The following ANKFY1 variants were observed in gnomAD, a reference collection of about 807,000 sequenced individuals.
The protein encoded by ANKFY1 is ankyrin repeat and FYVE domain containing 1, also known as ankyrin repeat and FYVE domain-containing protein 1.
In ANKFY1, 47 loss-of-function variants were observed where a neutral mutation model predicts 128.3. That is an observed-to-expected ratio of 0.37 (90% CI 0.29 to 0.47). ANKFY1 has a LOEUF of 0.47. ANKFY1 is among the 20% of genes least tolerant of loss of function. ANKFY1 has a pLI of 1.00. For synonymous variants in ANKFY1, 553 were observed against 601.6 expected (o/e 0.92, Z 1.18); for missense variants, 1,222 against 1,510.6 (o/e 0.81, Z 3.17).
intron 12 of ANKFY1, among the ~76,000 whole-genome samples, chr17:4,184,518 G>A (rs1365349674): frequency 6.6e-6 from 1 of 152,150 alleles, no homozygotes; most frequent in Non-Finnish European, 1.5e-5. Flanking sequence ...TGCTCACACC[G>A]AGGCACAGCT....
intron 4 of ANKFY1, among the ~76,000 whole-genome samples, chr17:4,213,582 T>C (rs79178729): frequency 1.3e-4 from 19 of 150,110 alleles, no homozygotes; most frequent in South Asian, 2.1e-4. Context: ...TTTTTTTTTT[T>C]CCAAGATGAA....
At chr17:4,202,790 G>A (rs1278357252) in intron 7 of ANKFY1, among the ~76,000 whole-genome samples, 1 of 146,816 alleles carries the variant, frequency 6.8e-6, no homozygotes, top group Non-Finnish European at 1.5e-5. Flanking sequence ...CAAACATACA[G>A]AAGATAAACT....
rs73322867 is a variant in ANKFY1 at position 4,181,070 on chromosome 17, G to A, written c.2240+184C>T. 4.9e-3 allele frequency: 2,749 copies of A among 566,120 alleles called. 61 individuals carry two copies. Among genetic ancestry groups the A allele is most frequent in the African/African-American group, 0.045 (2,396 of 53,518 alleles). 35.1% of individuals were successfully genotyped at this position (566,120 alleles called of 1,614,324 possible). On this transcript the variant is annotated intron_variant, in intron 16 of 24. Coordinates refer to ENST00000341657, the MANE Select transcript of ANKFY1 (RefSeq NM_001330063.2). The surrounding 1 kb of genome is among the most constrained non-coding windows in gnomAD (Gnocchi z 4.9). ...TGATTCAGGGCTGTGAGCTCCTCCC[G>A]TCACAAGTGAGCCTGGCTCCTGGCT...
rs1387721447 is a variant in ANKFY1 at position 4,197,370 on chromosome 17, T to C, written c.1103+3A>G. The C allele has an allele frequency of 6.2e-7, 1 of 1,614,022 alleles. No individual in the cohort carries two copies. Among genetic ancestry groups the C allele is most frequent in the Admixed American group, 1.7e-5 (1 of 60,026 alleles). The stretch of plus-strand genomic sequence containing the variant: ...AGGGCACAGTGTCTGCTCCCCAGCT[T>C]ACCTCCCCTTGCTGTCCTGCATGTT... On this transcript the variant is annotated splice_donor_region_variant and intron_variant, in intron 8 of 24. Transcript: ENST00000341657.
intron 1 of ANKFY1, among the ~76,000 whole-genome samples, chr17:4,249,656 CA>C (rs1377142736): frequency 3.3e-5 from 5 of 152,120 alleles, no homozygotes; most frequent in Non-Finnish European, 7.4e-5. Context: ...CACTTCTTAC[CA>C]AACTCTAATC....
At chr17:4,176,669 T>C (rs995951089) in intron 19 of ANKFY1, among the ~76,000 whole-genome samples, 1 of 152,180 alleles carries the variant, frequency 6.6e-6, no homozygotes, top group Non-Finnish European at 1.5e-5. Context: ...TGGAGTCCAA[T>C]GGAAAAGGCT....
intron 10 of ANKFY1, among the ~76,000 whole-genome samples, chr17:4,189,902 T>C (rs2059686904): frequency 1.3e-5 from 2 of 152,206 alleles, no homozygotes; most frequent in South Asian, 4.1e-4. Context: ...GTACTCTCTG[T>C]GTGTGGACAC....
chr17:4,172,169 A>G (rs1340336162), intron 22 of ANKFY1, among the ~76,000 whole-genome samples: 1 of 152,210 alleles, frequency 6.6e-6, no homozygotes, highest in Non-Finnish European at 1.5e-5. Context: ...TTCTCAGAGC[A>G]TGCCGACACA....
chr17:4,170,428 G>C (rs1567904710), intron 23 of ANKFY1, among the ~76,000 whole-genome samples: 1 of 152,182 alleles, frequency 6.6e-6, no homozygotes, highest in Non-Finnish European at 1.5e-5. Flanking sequence ...TAAGTGGCCA[G>C]GACACACAGG....
intron 1 of ANKFY1, among the ~76,000 whole-genome samples, chr17:4,249,831 C>G (rs1476251934): frequency 6.6e-6 from 1 of 152,112 alleles, no homozygotes; most frequent in African/African-American, 2.4e-5. Context: ...CCTTCTCCAC[C>G]CATTTCTTAA....
At chr17:4,170,607 G>A in intron 23 of ANKFY1, 108 bp downstream of exon 23, 4 of 1,459,220 alleles carry the variant, frequency 2.7e-6, no homozygotes, top group Non-Finnish European at 2.8e-6. Context: ...GAAACGAGCG[G>A]TTCCGATCCT....
intron 10 of ANKFY1, chr17:4,194,693 A>G (rs542650388): frequency 2.5e-4 from 106 of 419,078 alleles, no homozygotes; most frequent in African/African-American, 1.9e-3. Context: ...CTGGGGTACA[A>G]TTTTTAAGAC....
At chr17:4,192,419 T>C (rs1322390351) in intron 10 of ANKFY1, among the ~76,000 whole-genome samples, 2 of 151,588 alleles carry the variant, frequency 1.3e-5, no homozygotes, top group Non-Finnish European at 2.9e-5. Flanking sequence ...TCCTAGTTGA[T>C]GGTTAATCTG....
At chr17:4,170,965 G>C in intron 22 of ANKFY1, 104 bp from the exon 23 acceptor site, 2 of 1,546,928 alleles carry the variant, frequency 1.3e-6, no homozygotes, top group South Asian at 2.3e-5. Context: ...CCGCTGGCAG[G>C]AAATCTGTTC....
rs1422817211 is a variant in ANKFY1 at position 4,163,908 on chromosome 17, A to T, written c.*3871T>A. 1 of 152,698 alleles carries T rather than the reference A, an allele frequency of 6.5e-6. No homozygotes were observed. The highest frequency in any genetic ancestry group is 2.4e-5 in the African/African-American group (1 of 41,476). 9.5% of individuals were successfully genotyped at this position (152,698 alleles called of 1,614,324 possible). On this transcript the variant is annotated 3_prime_UTR_variant, in exon 25 of 25. Coordinates refer to ENST00000341657, the MANE Select transcript of ANKFY1 (RefSeq NM_001330063.2). The stretch of plus-strand genomic sequence containing the variant: ...TTATTAAAGTTTCCACTTTAAATGC[A>T]CAATTTTACTTCATTTTATTATAAG...
At chr17:4,199,698 A>C (rs2059892529) in intron 7 of ANKFY1, among the ~76,000 whole-genome samples, 1 of 152,246 alleles carries the variant, frequency 6.6e-6, no homozygotes, top group South Asian at 2.1e-4. Flanking sequence ...TTAAACTCGG[A>C]ACTAAGCAAT....
chr17:4,202,223 C>T (rs2059940532), intron 7 of ANKFY1, among the ~76,000 whole-genome samples: 1 of 150,718 alleles, frequency 6.6e-6, no homozygotes. Flanking sequence ...GCCAACATGG[C>T]AAACCCAATC....
Position 4,189,447 on chromosome 17 carries a change from C to T in ANKFY1, c.1405G>A (p.Gly469Arg). The change falls in exon 11 of 25, where the codon GGA (glycine) becomes AGA (arginine). Residue 469 changes from glycine (G) to arginine (R), a missense_variant. Coordinates refer to ENST00000341657, the MANE Select transcript of ANKFY1 (RefSeq NM_001330063.2). ...NCLLQRAAGAGNEAAALFLAT... is the reference protein window; with the variant it reads ...NCLLQRAAGARNEAAALFLAT... Reference sequence around the variant, plus strand: ...AGGAAAAGAGCTGCTGCCTCGTTTCCTGCTCCAGCTGCCCGCTGTAGTAAA... The same window carrying T: ...AGGAAAAGAGCTGCTGCCTCGTTTCTTGCTCCAGCTGCCCGCTGTAGTAAA... The T allele has an allele frequency of 6.3e-7, 1 of 1,589,474 alleles. No individual in the cohort carries two copies. Among genetic ancestry groups the T allele is most frequent in the South Asian group, 1.1e-5 (1 of 87,976 alleles).
In ANKFY1 at chr17:4,190,070, A is replaced by AT. The variant is rs368966334; in HGVS notation, c.1373-592dup. 2.0e-3 allele frequency among the ~76,000 whole-genome samples: 300 copies of AT among 152,188 alleles called. 1 individual carries two copies. The highest frequency in any genetic ancestry group is 4.1e-3 in the South Asian group (20 of 4,822). ...GCTACGGACATTTTGGACAGGATAA[A>AT]TTCTTTGTTGTGGGGTCTGTTCTGC... On this transcript the variant is annotated intron_variant, in intron 10 of 24. Coordinates refer to ENST00000341657, the MANE Select transcript of ANKFY1 (RefSeq NM_001330063.2).
Sources: allele counts gnomAD v4.1 joint callset (sites outside exome capture counted in the v4.1 genomes callset), GRCh38; gene constraint gnomAD v4.1.1; non-coding constraint Gnocchi (gnomAD v3.1); transcripts MANE v1.5; gene names NCBI Gene and HGNC (gene_info 2026-07-23, HGNC 2026-07-21).